The following SREBF2 variants were observed in gnomAD, a reference collection of about 807,000 sequenced individuals.
SREBF2 encodes the protein sterol regulatory element-binding protein 2.
In SREBF2, 55 loss-of-function variants were observed where a neutral mutation model predicts 113.1. The observed-to-expected ratio is 0.49, with a 90% CI of 0.39 to 0.61. The LOEUF (loss-of-function observed/expected upper bound fraction) is 0.61, where lower values mean the gene tolerates loss of function less well. Among genes scored for constraint, SREBF2 ranks in the 20% least tolerant of loss-of-function variants. The probability of loss-of-function intolerance (pLI) is 0.00; values close to 1 mark genes in which losing one functional copy is unlikely to be tolerated. For synonymous variants in SREBF2, 593 were observed against 605.7 expected (o/e 0.98, Z 0.31); for missense variants, 1,349 against 1,487.4 (o/e 0.91, Z 1.53).
intron 1 of SREBF2, among the ~76,000 whole-genome samples, chr22:41,864,305 AT>A (rs1206436695): frequency 9.1e-6 from 1 of 109,702 alleles, no homozygotes; most frequent in Non-Finnish European, 1.7e-5. Flanking sequence ...ATATATATAT[AT>A]ATGTATATAT....
At chr22:41,868,496 C>T in intron 2 of SREBF2, 115 bp from the exon 3 acceptor site, 1 of 1,182,642 alleles carries the variant, frequency 8.5e-7, no homozygotes, top group Non-Finnish European at 1.2e-6. Flanking sequence ...TCATCTTCAG[C>T]AGTAGGTGGG....
chr22:41,904,997 C>G (rs1274272955), intron 18 of SREBF2, 23 bp downstream of exon 18: 13 of 1,560,128 alleles, frequency 8.3e-6, no homozygotes, highest in Non-Finnish European at 1.0e-5. Flanking sequence ...CTCCCCAGCT[C>G]ACAGGCTGGG....
At chr22:41,882,373 G>A (rs185061634) in intron 10 of SREBF2, among the ~76,000 whole-genome samples, 67 of 152,326 alleles carry the variant, frequency 4.4e-4, no homozygotes, top group African/African-American at 1.4e-3. Flanking sequence ...ACACTTGCCT[G>A]TGAGATGTGG....
intron 9 of SREBF2, 112 bp from the exon 10 acceptor site, chr22:41,880,604 T>G (rs1010352880): frequency 2.2e-6 from 3 of 1,372,862 alleles, no homozygotes; most frequent in South Asian, 2.4e-5. Context: ...CTCGTTTTTA[T>G]GAGTGTGCAC....
At chr22:41,844,328 G>A (rs1239538674) in intron 1 of SREBF2, among the ~76,000 whole-genome samples, 1 of 152,162 alleles carries the variant, frequency 6.6e-6, no homozygotes, top group Non-Finnish European at 1.5e-5. Context: ...GCACATTGAT[G>A]TAGGACTAGG....
intron 1 of SREBF2, among the ~76,000 whole-genome samples, chr22:41,857,699 A>G (rs1338039064): frequency 1.3e-5 from 2 of 152,064 alleles, no homozygotes; most frequent in Non-Finnish European, 2.9e-5. Context: ...GTGTCATTCA[A>G]CACCTCCTCC....
chr22:41,904,451 G>A (rs1366054996), intron 17 of SREBF2: 2 of 408,916 alleles, frequency 4.9e-6, no homozygotes, highest in African/African-American at 2.1e-5. Flanking sequence ...ACGGAAAGAG[G>A]ATACCAAACC....
chr22:41,860,840 A>G (rs2077020064), intron 1 of SREBF2, among the ~76,000 whole-genome samples: 1 of 152,150 alleles, frequency 6.6e-6, no homozygotes, highest in Non-Finnish European at 1.5e-5. Context: ...GAGCCCCACC[A>G]CTGCCTTCCA....
Position 41,905,508 on chromosome 22 carries a change from C to A in SREBF2, c.3274C>A (p.Pro1092Thr). 1 of 1,582,618 alleles carries A rather than the reference C, an allele frequency of 6.3e-7. No individual in the cohort carries two copies. The highest frequency in any genetic ancestry group is 8.6e-7 in the Non-Finnish European group (1 of 1,164,780). ...CATCCTGCTGGCCTGCCGCCACCTG[C>A]CCCTCTCCTTCCTCTCCTCCCCGGG... ...TAILLACRHL[P>T]LSFLSSPGQR... The change falls in exon 19 of 19, where the codon CCC becomes ACC. Residue 1092 changes from proline (P) to threonine (T), a missense_variant. By Grantham distance (38) the Pro-to-Thr change is conservative (BLOSUM62 -1). Transcript: ENST00000361204.
In SREBF2 at chr22:41,906,064, C is replaced by T; in HGVS notation, c.*404C>T. On this transcript the variant is annotated 3_prime_UTR_variant, in exon 19 of 19. Coordinates refer to ENST00000361204, the MANE Select transcript of SREBF2 (RefSeq NM_004599.4). ...GTCTCTGAGCACCAGGGAGCAGTTGCCCTCAGGCCTGTGCCCAGCATGCCC... is the reference window on the plus strand; with the variant it reads ...GTCTCTGAGCACCAGGGAGCAGTTGTCCTCAGGCCTGTGCCCAGCATGCCC... The T allele has an allele frequency of 4.3e-6, 2 of 467,100 alleles. No homozygotes were observed. The highest frequency in any genetic ancestry group is 1.6e-5 in the South Asian group (1 of 64,336). The allele number at this position is 467,100 out of a possible 1,614,324, so 28.9% of individuals were successfully genotyped here.
intron 1 of SREBF2, among the ~76,000 whole-genome samples, chr22:41,862,960 T>G (rs2077040232): frequency 6.6e-6 from 1 of 152,220 alleles, no homozygotes; most frequent in African/African-American, 2.4e-5. Flanking sequence ...CTTCGTGAAC[T>G]AAGCTTTCTG....
intron 1 of SREBF2, among the ~76,000 whole-genome samples, chr22:41,846,269 A>G (rs2076875984): frequency 6.6e-6 from 1 of 152,220 alleles, no homozygotes; most frequent in South Asian, 2.1e-4. Context: ...GAAAAGCTGG[A>G]GAGCCAATTT....
At position 41,833,921 on chromosome 22, in the gene SREBF2, TG is replaced by T. The variant is rs1314848769; in HGVS notation, c.88+565del. 6.5e-6 allele frequency: 1 copy of T among 152,782 alleles called. No individual in the cohort carries two copies. Among genetic ancestry groups the T allele is most frequent in the African/African-American group, 2.4e-5 (1 of 41,456 alleles). The allele number at this position is 152,782 out of a possible 1,614,324, so 9.5% of individuals were successfully genotyped here. On this transcript the variant is annotated intron_variant, in intron 1 of 18. Coordinates refer to ENST00000361204, the MANE Select transcript of SREBF2 (RefSeq NM_004599.4). This position sits in a 1 kb window ranked among gnomAD's most constrained non-coding sequence, Gnocchi z 4.1. ...AGCAAGTTGCTGATGAAGAGAGCAG[TG>T]GCGGCGGAGTGTGGACACATCTCTC... is the stretch of plus-strand genomic sequence containing the variant.
chr22:41,888,730 A>G (rs1160288544), intron 11 of SREBF2, among the ~76,000 whole-genome samples: 2 of 152,240 alleles, frequency 1.3e-5, no homozygotes, highest in Admixed American at 6.5e-5. Flanking sequence ...GAGTTTCCTC[A>G]GACCAAATCT....
At chr22:41,895,546 C>T (rs553254521) in intron 13 of SREBF2, among the ~76,000 whole-genome samples, 40 of 148,806 alleles carry the variant, frequency 2.7e-4, no homozygotes, top group Non-Finnish European at 5.2e-4. Flanking sequence ...AGTGATTCTT[C>T]TGCCTTAGCC....
intron 10 of SREBF2, among the ~76,000 whole-genome samples, chr22:41,882,265 C>T (rs1314215113): frequency 1.3e-5 from 2 of 152,080 alleles, no homozygotes; most frequent in Non-Finnish European, 1.5e-5. Flanking sequence ...CCTGGTTCTT[C>T]CTTGGGAGTT....
chr22:41,865,149 ACAC>A (rs2077063576), intron 1 of SREBF2, among the ~76,000 whole-genome samples: 1 of 26,626 alleles, frequency 3.8e-5, no homozygotes, highest in African/African-American at 6.3e-4. Flanking sequence ...CCCAAAAAAC[ACAC>A]ACACACACAC....
intron 14 of SREBF2, among the ~76,000 whole-genome samples, chr22:41,898,410 G>A (rs894139749): frequency 7.2e-5 from 11 of 152,178 alleles, no homozygotes; most frequent in East Asian, 3.9e-4. Context: ...GAGCCACCGC[G>A]GCCAACCAGG....
intron 4 of SREBF2, among the ~76,000 whole-genome samples, chr22:41,873,062 T>TG (rs2077161634): frequency 6.6e-6 from 1 of 152,152 alleles, no homozygotes; most frequent in East Asian, 1.9e-4. Flanking sequence ...CCAGGCATGG[T>TG]GGCGCATGCC....
Sources: allele counts gnomAD v4.1 joint callset (sites outside exome capture counted in the v4.1 genomes callset), GRCh38; gene constraint gnomAD v4.1.1; non-coding constraint Gnocchi (gnomAD v3.1); transcripts MANE v1.5; gene names NCBI Gene and HGNC (gene_info 2026-07-23, HGNC 2026-07-21).